LPP: variants seen among roughly 807,000 people sequenced by gnomAD.
LPP encodes the protein LIM domain containing preferred translocation partner in lipoma.
Under a neutral mutation model 60.4 loss-of-function variants are expected in LPP, and 38 were observed. The ratio of observed to expected loss-of-function variants is 0.63; its 90% CI spans 0.49 to 0.83. The LOEUF (loss-of-function observed/expected upper bound fraction) is 0.83. Among genes scored for constraint, LPP ranks in the 40% least tolerant of loss-of-function variants. LPP has a pLI of 0.00. For synonymous variants in LPP, 328 were observed against 290.8 expected (o/e 1.13, Z -1.30); for missense variants, 902 against 783.6 (o/e 1.15, Z -1.80).
At chr3:188,621,868 C>G (rs1560656920) in intron 7 of LPP, among the ~76,000 whole-genome samples, 1 of 152,074 alleles carries the variant, frequency 6.6e-6, no homozygotes, top group East Asian at 1.9e-4. Context: ...CATTGTTAGC[C>G]AGGCTGGTCT....
intron 3 of LPP, among the ~76,000 whole-genome samples, chr3:188,364,245 G>C (rs1371683491): frequency 2.0e-5 from 3 of 152,128 alleles, no homozygotes; most frequent in Non-Finnish European, 4.4e-5. Context: ...ATTGTGTTTG[G>C]AAGTCTTCAT....
At chr3:188,176,116 G>A (rs1052652360) in intron 1 of LPP, among the ~76,000 whole-genome samples, 1 of 152,094 alleles carries the variant, frequency 6.6e-6, no homozygotes, top group African/African-American at 2.4e-5. Context: ...AGGTCATCTA[G>A]TCTAATGGTT....
chr3:188,445,046 A>G (rs1045664970), intron 4 of LPP, among the ~76,000 whole-genome samples: 1 of 152,220 alleles, frequency 6.6e-6, no homozygotes, highest in Non-Finnish European at 1.5e-5. Context: ...GTGGGAGTGT[A>G]AATTAGTTCA....
At chr3:188,698,660 C>G (rs1420442666) in intron 7 of LPP, among the ~76,000 whole-genome samples, 3 of 152,180 alleles carry the variant, frequency 2.0e-5, no homozygotes, top group African/African-American at 7.2e-5. Context: ...TTCTTGCCTA[C>G]CCGGCAGGAT....
intron 9 of LPP, among the ~76,000 whole-genome samples, chr3:188,772,250 C>G (rs1182867334): frequency 6.6e-6 from 1 of 152,162 alleles, no homozygotes; most frequent in Non-Finnish European, 1.5e-5. Flanking sequence ...TGTCTATTCC[C>G]ATGCCATTGG....
intron 7 of LPP, among the ~76,000 whole-genome samples, chr3:188,653,452 A>C (rs1852500116): frequency 6.6e-6 from 1 of 152,146 alleles, no homozygotes; most frequent in African/African-American, 2.4e-5. Context: ...CATAACACAC[A>C]ATTATAGCAC....
intron 2 of LPP, among the ~76,000 whole-genome samples, chr3:188,281,534 G>A (rs1742031925): frequency 6.7e-6 from 1 of 149,398 alleles, no homozygotes; most frequent in Non-Finnish European, 1.5e-5. Flanking sequence ...AACCCAGGAG[G>A]CGGAGGTTTC....
intron 5 of LPP, among the ~76,000 whole-genome samples, chr3:188,503,409 TA>T (rs918185086): frequency 4.6e-5 from 7 of 152,100 alleles, no homozygotes; most frequent in African/African-American, 1.4e-4. Context: ...ATTTGTAATT[TA>T]AAAAAATATT....
intron 2 of LPP, among the ~76,000 whole-genome samples, chr3:188,301,857 A>G (rs1217107211): frequency 6.6e-6 from 1 of 151,574 alleles, no homozygotes; most frequent in Non-Finnish European, 1.5e-5. Context: ...GTATTTTGCC[A>G]TGTTGCCCAG....
intron 7 of LPP, among the ~76,000 whole-genome samples, chr3:188,681,950 C>T (rs535594115): frequency 1.7e-4 from 26 of 152,256 alleles, no homozygotes; most frequent in African/African-American, 6.3e-4. Flanking sequence ...CTGCTGTATC[C>T]CCAGCACCTT....
chr3:188,462,961 C>T (rs1579091679), intron 4 of LPP, among the ~76,000 whole-genome samples: 1 of 151,970 alleles, frequency 6.6e-6, no homozygotes, highest in Admixed American at 6.6e-5. Flanking sequence ...ACAAAATTAG[C>T]CAGGCATGGT....
At chr3:188,323,504 G>T (rs962019310) in intron 2 of LPP, among the ~76,000 whole-genome samples, 1 of 152,214 alleles carries the variant, frequency 6.6e-6, no homozygotes, top group Non-Finnish European at 1.5e-5. Flanking sequence ...TTGCAAAGCA[G>T]TAGCAGAATA....
intron 9 of LPP, among the ~76,000 whole-genome samples, chr3:188,792,227 G>A (rs1743998464): frequency 6.6e-6 from 1 of 152,164 alleles, no homozygotes; most frequent in African/African-American, 2.4e-5. Context: ...ACAGGGAAAG[G>A]AGAGAACACC....
At chr3:188,512,505 T>C (rs566720555) in intron 5 of LPP, among the ~76,000 whole-genome samples, 1 of 151,870 alleles carries the variant, frequency 6.6e-6, no homozygotes, top group South Asian at 2.1e-4. Context: ...TGAGCCAAGG[T>C]TGCAGTGAGT....
intron 1 of LPP, among the ~76,000 whole-genome samples, chr3:188,160,176 C>T (rs1379154738): frequency 1.3e-5 from 2 of 151,836 alleles, no homozygotes; most frequent in Non-Finnish European, 1.5e-5. Context: ...TCCCAAAGTG[C>T]TGGGATTACA....
At position 188,734,783 on chromosome 3, in the gene LPP, A is replaced by G. The variant is rs537454545; in HGVS notation, c.1241-25330A>G. Among the ~76,000 whole-genome samples the G allele has an allele frequency of 4.6e-5, 7 of 152,348 alleles. No individual in the cohort carries two copies. The East Asian group carries it at 9.6e-4, about 21-fold the overall frequency. On this transcript the variant is annotated intron_variant, in intron 8 of 11. Coordinates refer to ENST00000617246, the MANE Select transcript of LPP (RefSeq NM_001375462.1). The stretch of plus-strand genomic sequence containing the variant: ...CCTGTGAAGATTGTCATCCATCCCA[A>G]TGACTTCAATGGAAAGGATGCATTT...
intron 4 of LPP, among the ~76,000 whole-genome samples, chr3:188,434,625 G>C (rs1791848127): frequency 6.6e-6 from 1 of 152,138 alleles, no homozygotes; most frequent in African/African-American, 2.4e-5. Flanking sequence ...AGTCTGTCCT[G>C]GTTTGGAATT....
At chr3:188,775,447 C>T (rs1020131522) in intron 9 of LPP, among the ~76,000 whole-genome samples, 2 of 152,158 alleles carry the variant, frequency 1.3e-5, no homozygotes, top group African/African-American at 2.4e-5. Flanking sequence ...TTTAAGACCT[C>T]GTACAGTTCA....
At chr3:188,374,737 C>T (rs548278823) in intron 3 of LPP, among the ~76,000 whole-genome samples, 66 of 152,128 alleles carry the variant, frequency 4.3e-4, no homozygotes, top group Non-Finnish European at 7.4e-4. Flanking sequence ...GAACTTCCAA[C>T]ACTACGTTGA....
Sources: gnomAD v4.1 joint callset for allele counts (sites outside exome capture counted in the v4.1 genomes callset) on GRCh38, gnomAD v4.1.1 for gene constraint, MANE v1.5 for transcripts, NCBI Gene and HGNC (gene_info 2026-07-23, HGNC 2026-07-21) for gene names.